The following KIAA1549 variants were observed in gnomAD, a reference collection of about 807,000 sequenced individuals.
The protein encoded by KIAA1549 is KIAA1549.
KIAA1549 carries 70 observed loss-of-function variants against 156.4 expected under a neutral mutation model. The observed-to-expected ratio is 0.45, with a 90% CI of 0.37 to 0.55. KIAA1549 has a LOEUF of 0.55. KIAA1549 is among the 20% of genes least tolerant of loss of function. The pLI, the probability that KIAA1549 is intolerant of heterozygous loss-of-function variation, is 0.00. For missense variants in KIAA1549, 2,428 were observed against 2,540.9 expected (o/e 0.96, Z 0.96); for synonymous variants, 1,103 against 1,066.4 (o/e 1.03, Z -0.67).
In KIAA1549 at chr7:138,917,216, A is replaced by G. The variant is rs1812357461; in HGVS notation, c.2410T>C (p.Leu804=). ...HTTPILTESS[L]FSTLTPPDDQ... is the part of the protein sequence containing the mutation. Reference sequence around the variant, plus strand: ...TCAGGAGGTGTCAGAGTTGAGAACAAAGAAGACTCAGTTAAAATGGGCGTT... The same window carrying G: ...TCAGGAGGTGTCAGAGTTGAGAACAGAGAAGACTCAGTTAAAATGGGCGTT... Residue 804 remains leucine (L), a synonymous_variant, in exon 2 of 20, where the codon TTG becomes CTG. Coordinates refer to ENST00000422774, the MANE Select transcript of KIAA1549 (RefSeq NM_001164665.2). The G allele has an allele frequency of 2.5e-6, 4 of 1,613,858 alleles. No individual in the cohort carries two copies. Among genetic ancestry groups the G allele is most frequent in the African/African-American group, 2.7e-5 (2 of 74,914 alleles).
intron 1 of KIAA1549, among the ~76,000 whole-genome samples, chr7:138,945,915 GA>G (rs1813323011): frequency 6.6e-6 from 1 of 152,106 alleles, no homozygotes; most frequent in Non-Finnish European, 1.5e-5. Context: ...AACAGGATGA[GA>G]ACCCCTATCA....
At chr7:138,944,326 T>C (rs919085214) in intron 1 of KIAA1549, among the ~76,000 whole-genome samples, 3 of 152,136 alleles carry the variant, frequency 2.0e-5, no homozygotes, top group African/African-American at 7.2e-5. Flanking sequence ...TCATTTGTCA[T>C]CAAGGAAATG....
intron 14 of KIAA1549, among the ~76,000 whole-genome samples, chr7:138,868,967 T>G (rs1321505761): frequency 6.6e-6 from 1 of 152,050 alleles, no homozygotes; most frequent in Non-Finnish European, 1.5e-5. Flanking sequence ...ACCTCAGGTT[T>G]TGAGTAGAGA....
chr7:138,930,887 CCTTGGCTTTTGATGTGT>C (rs1812849181), intron 1 of KIAA1549, among the ~76,000 whole-genome samples: 1 of 152,190 alleles, frequency 6.6e-6, no homozygotes, highest in Non-Finnish European at 1.5e-5. Flanking sequence ...TTTCAGGCTC[CCTTGGCTTTTGATGTGT>C]CTTCCTCACG....
At chr7:138,975,198 A>T (rs995904103) in intron 1 of KIAA1549, among the ~76,000 whole-genome samples, 3 of 152,182 alleles carry the variant, frequency 2.0e-5, no homozygotes, top group African/African-American at 7.2e-5. Context: ...ACTAATGAGA[A>T]GTAATTGCCT....
At chr7:138,920,513 T>A (rs1812537936) in intron 1 of KIAA1549, among the ~76,000 whole-genome samples, 1 of 152,100 alleles carries the variant, frequency 6.6e-6, no homozygotes, top group Admixed American at 6.5e-5. Flanking sequence ...GATACCAAGT[T>A]CTGACAACAA....
chr7:138,943,867 A>AC (rs993515224), intron 1 of KIAA1549, among the ~76,000 whole-genome samples: 6 of 152,070 alleles, frequency 3.9e-5, no homozygotes, highest in African/African-American at 1.4e-4. Context: ...ACAAAACAAA[A>AC]AAAAAATGCA....
chr7:138,950,414 TG>T (rs1813460186), intron 1 of KIAA1549, among the ~76,000 whole-genome samples: 1 of 143,472 alleles, frequency 7.0e-6, no homozygotes, highest in Non-Finnish European at 1.5e-5. Flanking sequence ...CAGCCTTCCT[TG>T]TCTTTCAAGA....
At chr7:138,971,595 G>A (rs371864095) in intron 1 of KIAA1549, among the ~76,000 whole-genome samples, 11 of 152,150 alleles carry the variant, frequency 7.2e-5, no homozygotes, top group African/African-American at 1.7e-4. Context: ...CCTTCATGCC[G>A]CAGAAGCTGG....
chr7:138,966,114 C>G (rs1814017043), intron 1 of KIAA1549, among the ~76,000 whole-genome samples: 2 of 152,200 alleles, frequency 1.3e-5, no homozygotes, highest in South Asian at 4.1e-4. Flanking sequence ...ACGGGTTGAA[C>G]TGTGTGCCCC....
intron 10 of KIAA1549, among the ~76,000 whole-genome samples, chr7:138,891,514 T>C (rs970655673): frequency 6.6e-6 from 1 of 152,238 alleles, no homozygotes; most frequent in African/African-American, 2.4e-5. Flanking sequence ...TTCTTCTTTA[T>C]TACTGAAAAT....
chr7:138,916,798 G>C lies in KIAA1549; in HGVS notation c.2828C>G (p.Pro943Arg), dbSNP rs374914142. ...GACTGTGATATCACAAACATATGGC[G>C]GCTTGGCAGTAGCCAGTGTTGGTGT... is the stretch of plus-strand genomic sequence containing the variant. The part of the protein sequence containing the change: ...VDTPTLATAK[P>R]PYVCDITVPD... Residue 943 changes from proline to arginine, a missense_variant, in exon 2 of 20, where the codon CCG (proline) becomes CGG (arginine). This residue lies in a region of KIAA1549 where 762 missense variants were observed against 901.6 expected (regional missense o/e 0.85). Coordinates refer to ENST00000422774, the MANE Select transcript of KIAA1549 (RefSeq NM_001164665.2). 6.2e-7 allele frequency: 1 copy of C among 1,613,814 alleles called. No homozygotes were observed. Among genetic ancestry groups the C allele is most frequent in the African/African-American group, 1.3e-5 (1 of 74,920 alleles).
intron 16 of KIAA1549, among the ~76,000 whole-genome samples, chr7:138,854,001 G>T (rs1415313730): frequency 2.0e-5 from 3 of 152,040 alleles, no homozygotes; most frequent in Admixed American, 6.6e-5. Context: ...GTAGTGTGAG[G>T]ATTTCAACTC....
At chr7:138,916,482 G>A (rs562580756) in intron 2 of KIAA1549, among the ~76,000 whole-genome samples, 2 of 152,334 alleles carry the variant, frequency 1.3e-5, no homozygotes, top group South Asian at 2.1e-4. Context: ...GTTCTGCAGG[G>A]ACTAACGCAT....
chr7:138,917,807 C>T lies in KIAA1549; in HGVS notation c.1819G>A (p.Glu607Lys). Residue 607 changes from glutamate (E) to lysine (K), a missense_variant, in exon 2 of 20, where the codon GAA becomes AAA. Glu to Lys is a moderately conservative substitution (Grantham distance 56). Transcript: ENST00000422774. Reference protein sequence around the residue: ...SVESSLFSDQERSSFSEHKPR... With the variant: ...SVESSLFSDQKRSSFSEHKPR... ...TTATGCTCAGAAAAACTGGAACGTT[C>T]TTGGTCAGAGAAAAGTGAAGACTCC... The T allele has an allele frequency of 6.3e-7, 1 of 1,590,082 alleles. No homozygotes were observed. Among genetic ancestry groups the T allele is most frequent in the Non-Finnish European group, 8.6e-7 (1 of 1,168,088 alleles).
chr7:138,924,999 C>T (rs1812672631), intron 1 of KIAA1549, among the ~76,000 whole-genome samples: 1 of 152,196 alleles, frequency 6.6e-6, no homozygotes, highest in Non-Finnish European at 1.5e-5. Context: ...CTGCCACCCA[C>T]TCCAAGTAGC....
chr7:138,933,259 G>A (rs1030241753), intron 1 of KIAA1549, among the ~76,000 whole-genome samples: 3 of 152,240 alleles, frequency 2.0e-5, no homozygotes, highest in Non-Finnish European at 2.9e-5. Context: ...AAGAATCACC[G>A]AGGAGCTGGT....
intron 1 of KIAA1549, among the ~76,000 whole-genome samples, chr7:138,925,566 T>A (rs1487362545): frequency 1.3e-5 from 2 of 152,062 alleles, no homozygotes. Context: ...ACCGCTATAA[T>A]CCAAGCACTC....
At chr7:138,855,099 G>C (rs1810347963) in intron 16 of KIAA1549, among the ~76,000 whole-genome samples, 1 of 152,178 alleles carries the variant, frequency 6.6e-6, no homozygotes, top group Non-Finnish European at 1.5e-5. Context: ...CTGGCAGTCA[G>C]GGTGAAGGGG....
Sources: allele counts gnomAD v4.1 joint callset (sites outside exome capture counted in the v4.1 genomes callset), GRCh38; gene constraint gnomAD v4.1.1; regional missense constraint gnomAD v4.1.1; transcripts MANE v1.5; gene names NCBI Gene and HGNC (gene_info 2026-07-23, HGNC 2026-07-21).